Variants in GPR55 observed in about 807,000 individuals in gnomAD.
The protein encoded by GPR55 is G protein-coupled receptor 55, also known as G-protein coupled receptor 55.
GPR55 carries 6 observed loss-of-function variants against 7.9 expected under a neutral mutation model. The observed-to-expected ratio is 0.76, with a 90% CI of 0.41 to 1.49. The LOEUF is 1.49. Ranked by LOEUF, GPR55 falls within the 40% of genes most tolerant of loss-of-function variation. GPR55 has a pLI of 0.01. For synonymous variants in GPR55, 183 were observed against 166.8 expected (o/e 1.10, Z -0.75); for missense variants, 376 against 406.0 (o/e 0.93, Z 0.63).
At chr2:230,913,614 G>C (rs1213212357) in intron 1 of GPR55, among the ~76,000 whole-genome samples, 2 of 151,500 alleles carry the variant, frequency 1.3e-5, no homozygotes, top group Non-Finnish European at 2.9e-5. Context: ...GTGCCTCCTA[G>C]GGGTGTGTAG....
Position 230,951,137 on chromosome 2 carries a change from T to C in GPR55, c.-135+9638A>G, listed in dbSNP as rs1180596976. 3.3e-5 allele frequency among the ~76,000 whole-genome samples: 5 copies of C among 152,050 alleles called. No homozygotes were observed. In the South Asian group the frequency reaches 8.3e-4, roughly 25 times the overall value. ...GCGTTGTGGGAACCCCAACTTGAAG[T>C]TGGTCGGTCAGAAGTTCCGAAGGGC... On this transcript the variant is annotated intron_variant, in intron 1 of 1. Coordinates refer to the GPR55 transcript ENST00000392039.
intron 1 of GPR55, among the ~76,000 whole-genome samples, chr2:230,935,204 G>A (rs1691113659): frequency 6.6e-6 from 1 of 152,142 alleles, no homozygotes; most frequent in Non-Finnish European, 1.5e-5. Context: ...CGGTGTTTTA[G>A]TTCAGGCTGC....
In GPR55 at chr2:230,910,676, A is replaced by T. The variant is rs770915881; in HGVS notation, c.287T>A (p.Leu96Gln). ...GCTGACGAAGTAAAGGCACTCCACC[A>T]GGGTGCACAGGGACGGGAAGGGGGA... ...VQSPFPSLCT[L>Q]VECLYFVSMY... The change falls in exon 2 of 2, where the codon CTG (leucine) becomes CAG (glutamine). Residue 96 changes from leucine (L) to glutamine (Q), a missense_variant. Coordinates refer to ENST00000650999, the MANE Select transcript of GPR55 (RefSeq NM_005683.4). The surrounding 1 kb of genome is among the most constrained non-coding windows in gnomAD (Gnocchi z 5.4). The T allele has an allele frequency of 1.2e-6, 2 of 1,612,630 alleles. No individual in the cohort carries two copies. The highest frequency in any genetic ancestry group is 2.2e-5 in the South Asian group (2 of 91,052).
chr2:230,943,484 G>A (rs1376428572), intron 1 of GPR55, among the ~76,000 whole-genome samples: 1 of 152,206 alleles, frequency 6.6e-6, no homozygotes, highest in East Asian at 1.9e-4. Flanking sequence ...GTTTGTCTCC[G>A]GGCATCCCCA....
intron 1 of GPR55, among the ~76,000 whole-genome samples, chr2:230,936,668 G>A (rs959912021): frequency 1.3e-4 from 20 of 152,182 alleles, no homozygotes; most frequent in Non-Finnish European, 2.6e-4. Flanking sequence ...CTGCAGGAGT[G>A]GCTCAAAGGG....
chr2:230,945,906 T>C (rs1334416370), intron 1 of GPR55, among the ~76,000 whole-genome samples: 2 of 152,180 alleles, frequency 1.3e-5, no homozygotes, highest in African/African-American at 4.8e-5. Context: ...GCTAAGATAA[T>C]GGCATGGTAG....
chr2:230,945,433 G>A (rs1192476595), intron 1 of GPR55, among the ~76,000 whole-genome samples: 2 of 152,090 alleles, frequency 1.3e-5, no homozygotes, highest in South Asian at 2.1e-4. Context: ...GAAAAAAAAA[G>A]GGGTGACTTG....
chr2:230,937,155 G>A (rs963163829), intron 1 of GPR55, among the ~76,000 whole-genome samples: 1 of 151,996 alleles, frequency 6.6e-6, no homozygotes, highest in Non-Finnish European at 1.5e-5. Flanking sequence ...TAATCCCAAC[G>A]TTTTGGGAGG....
chr2:230,918,587 A>G (rs189372454), intron 1 of GPR55, among the ~76,000 whole-genome samples: 1 of 152,316 alleles, frequency 6.6e-6, no homozygotes, highest in East Asian at 1.9e-4. Context: ...ACTTATCCAA[A>G]TAGCGAAACT....
At chr2:230,960,175 C>T (rs1179573265) in intron 1 of GPR55, among the ~76,000 whole-genome samples, 1 of 152,244 alleles carries the variant, frequency 6.6e-6, no homozygotes, top group Non-Finnish European at 1.5e-5. Flanking sequence ...TTGCACAAGA[C>T]TCCAGGAAGC....
At chr2:230,921,809 G>A (rs1445422992) in intron 1 of GPR55, among the ~76,000 whole-genome samples, 1 of 152,180 alleles carries the variant, frequency 6.6e-6, no homozygotes, top group African/African-American at 2.4e-5. Flanking sequence ...GGCTGAACTC[G>A]GAGGGGCTAG....
intron 1 of GPR55, among the ~76,000 whole-genome samples, chr2:230,949,144 T>C (rs577877896): frequency 4.0e-4 from 58 of 146,102 alleles, no homozygotes; most frequent in Middle Eastern, 3.5e-3. Context: ...AATGCTTTTA[T>C]GGCTCTTTTT....
chr2:230,934,321 C>T (rs901839568), intron 1 of GPR55, among the ~76,000 whole-genome samples: 40 of 152,222 alleles, frequency 2.6e-4, no homozygotes, highest in African/African-American at 9.2e-4. Flanking sequence ...GAACGAGCAC[C>T]GAGTACTGAT....
chr2:230,957,982 C>T (rs1275569180), intron 1 of GPR55: 3 of 424,458 alleles, frequency 7.1e-6, no homozygotes, highest in Non-Finnish European at 1.4e-5. Context: ...AATCAGACTC[C>T]CTGAAGTCAG....
chr2:230,942,934 C>T (rs868509253), intron 1 of GPR55, among the ~76,000 whole-genome samples: 5 of 152,040 alleles, frequency 3.3e-5, no homozygotes, highest in East Asian at 3.9e-4. Flanking sequence ...AGTGAGAGCA[C>T]GACCCTGGGG....
chr2:230,943,072 G>A (rs1691258751), intron 1 of GPR55, among the ~76,000 whole-genome samples: 1 of 137,266 alleles, frequency 7.3e-6, no homozygotes, highest in South Asian at 2.4e-4. Context: ...AGAGAAAAGA[G>A]AGAGAGAGGA....
intron 1 of GPR55, among the ~76,000 whole-genome samples, chr2:230,950,593 T>A (rs898080547): frequency 4.6e-5 from 7 of 152,180 alleles, no homozygotes; most frequent in Non-Finnish European, 1.0e-4. Context: ...GGAAATAGGT[T>A]TTTCATTATT....
chr2:230,959,740 C>A (rs1010722237), intron 1 of GPR55, among the ~76,000 whole-genome samples: 4 of 152,102 alleles, frequency 2.6e-5, no homozygotes, highest in Non-Finnish European at 2.9e-5. Flanking sequence ...GCTAAACAAC[C>A]CTTCATCCTT....
chr2:230,954,468 A>T (rs1364430222), intron 1 of GPR55, among the ~76,000 whole-genome samples: 2 of 152,110 alleles, frequency 1.3e-5, no homozygotes, highest in Non-Finnish European at 2.9e-5. Context: ...CCGGCCTTAA[A>T]CTTTTTATTT....
Sources: allele counts gnomAD v4.1 joint callset (sites outside exome capture counted in the v4.1 genomes callset), GRCh38; gene constraint gnomAD v4.1.1; non-coding constraint Gnocchi (gnomAD v3.1); transcripts MANE v1.5; gene names NCBI Gene and HGNC (gene_info 2026-07-23, HGNC 2026-07-21).